Variants in INPP5A observed in about 807,000 individuals in gnomAD.
INPP5A encodes the protein 43 kDa inositol polyphosphate 5-phophatase.
A neutral mutation model predicts 65.2 loss-of-function variants in INPP5A; 14 were observed. The ratio of observed to expected loss-of-function variants is 0.21; its 90% confidence interval spans 0.14 to 0.34. The LOEUF (loss-of-function observed/expected upper bound fraction) is 0.34, where lower values mean the gene tolerates loss of function less well. INPP5A is among the 10% of genes least tolerant of loss of function. The pLI, the probability that INPP5A is intolerant of heterozygous loss-of-function variation, is 1.00. For synonymous variants in INPP5A, 207 were observed against 208.3 expected, an observed-to-expected ratio of 0.99 and a Z score of 0.05; for missense variants, 431 against 545.6, an observed-to-expected ratio of 0.79 and a Z score of 2.09.
chr10:132,704,524 C>T lies in INPP5A; in HGVS notation c.475-3789C>T, dbSNP rs928638728. ...CGCAGAGCCACCCCTCGCAGCCCGCCGGCAACATGGGCTCTGTCCTCCCCT... is the reference window on the plus strand; with the variant it reads ...CGCAGAGCCACCCCTCGCAGCCCGCTGGCAACATGGGCTCTGTCCTCCCCT... On this transcript the variant is annotated intron_variant, in intron 6 of 15. Coordinates refer to ENST00000368594, the MANE Select transcript of INPP5A (RefSeq NM_005539.5). The surrounding 1 kb of genome is among the most constrained non-coding windows in gnomAD (Gnocchi z 4.5). 5.9e-5 allele frequency among the ~76,000 whole-genome samples: 9 copies of T among 152,226 alleles called. No individual in the cohort carries two copies. Among genetic ancestry groups the T allele is most frequent in the East Asian group, 5.8e-4 (3 of 5,194 alleles).
intron 1 of INPP5A, among the ~76,000 whole-genome samples, chr10:132,596,676 C>T (rs371252907): frequency 1.7e-3 from 263 of 152,268 alleles, no homozygotes; most frequent in African/African-American, 5.9e-3. Flanking sequence ...GTGATCCACC[C>T]TCCTTGGCCT....
rs1331338455 is a variant in INPP5A at position 132,627,111 on chromosome 10, G to A, written c.118-18757G>A. ...GACACGGGATCAGGCTCTCTCCACA[G>A]GGCGCAGAGGCAGCTCTGTGAGCCA... On this transcript the variant is annotated intron_variant, in intron 2 of 15. Transcript: ENST00000368594. This position sits in a 1 kb window ranked among gnomAD's most constrained non-coding sequence, Gnocchi z 6.6. Among the ~76,000 whole-genome samples, 1 of 151,964 alleles carries A rather than the reference G, an allele frequency of 6.6e-6. No individual in the cohort carries two copies.
At chr10:132,683,023 C>T (rs1341806464) in intron 4 of INPP5A, among the ~76,000 whole-genome samples, 5 of 146,580 alleles carry the variant, frequency 3.4e-5, no homozygotes, top group African/African-American at 7.6e-5. Context: ...GTGGAGGGCA[C>T]GTCTCCTGTG....
intron 4 of INPP5A, among the ~76,000 whole-genome samples, chr10:132,668,688 TATC>T (rs2133429998): frequency 6.6e-6 from 1 of 152,336 alleles, no homozygotes; most frequent in South Asian, 2.1e-4. Flanking sequence ...TAGAAGGGCT[TATC>T]ATTCCTCCTG....
chr10:132,582,857 T>A (rs538303538), intron 1 of INPP5A, among the ~76,000 whole-genome samples: 5 of 152,266 alleles, frequency 3.3e-5, no homozygotes, highest in Non-Finnish European at 7.3e-5. Context: ...TTAGAGTAAG[T>A]CTTACAGTCA....
intron 8 of INPP5A, among the ~76,000 whole-genome samples, chr10:132,720,392 G>T (rs1479710671): frequency 2.0e-4 from 28 of 139,590 alleles, no homozygotes; most frequent in African/African-American, 7.5e-4. Flanking sequence ...GGGCACCTTA[G>T]ACGGCTGTCT....
Position 132,663,231 on chromosome 10 carries a change from T to C in INPP5A, c.306+12726T>C, listed in dbSNP as rs1399164811. ...AAGACTTTCTTCTCGTTAAATCTTA[T>C]TTTATTTTGACACAGGATGTCACTC... On this transcript the variant is annotated intron_variant, in intron 4 of 15. Coordinates refer to ENST00000368594, the MANE Select transcript of INPP5A (RefSeq NM_005539.5). The surrounding 1 kb of genome is among the most constrained non-coding windows in gnomAD (Gnocchi z 4.5). 1.3e-5 allele frequency among the ~76,000 whole-genome samples: 2 copies of C among 152,234 alleles called. No individual in the cohort carries two copies. The highest frequency in any genetic ancestry group is 1.9e-4 in the East Asian group (1 of 5,202).
chr10:132,590,873 G>C (rs934934242), intron 1 of INPP5A, among the ~76,000 whole-genome samples: 4 of 152,196 alleles, frequency 2.6e-5, no homozygotes, highest in East Asian at 3.9e-4. Flanking sequence ...GCTGTGTCCT[G>C]TCCGTGGTTA....
At chr10:132,740,484 G>A (rs1235966642) in intron 9 of INPP5A, among the ~76,000 whole-genome samples, 1 of 152,176 alleles carries the variant, frequency 6.6e-6, no homozygotes, top group Non-Finnish European at 1.5e-5. Flanking sequence ...ATTATTTGTA[G>A]CATAGAAAAT....
intron 8 of INPP5A, among the ~76,000 whole-genome samples, chr10:132,714,807 C>T (rs538354197): frequency 1.4e-4 from 22 of 152,268 alleles, no homozygotes; most frequent in Admixed American, 3.3e-4. Flanking sequence ...GCCACCACCA[C>T]AGCCAGTCAC....
intron 1 of INPP5A, among the ~76,000 whole-genome samples, chr10:132,577,745 G>A (rs2071427487): frequency 6.6e-6 from 1 of 152,260 alleles, no homozygotes; most frequent in South Asian, 2.1e-4. Context: ...GGAGGCATTG[G>A]GTGTTGTGGG....
intron 2 of INPP5A, among the ~76,000 whole-genome samples, chr10:132,631,500 G>C (rs563392484): frequency 2.0e-5 from 3 of 152,242 alleles, no homozygotes; most frequent in African/African-American, 4.8e-5. Flanking sequence ...CCCTCTGCGC[G>C]CCTTATCTTG....
At chr10:132,548,195 G>A (rs546750357) in intron 1 of INPP5A, among the ~76,000 whole-genome samples, 19 of 152,142 alleles carry the variant, frequency 1.2e-4, no homozygotes, top group African/African-American at 3.9e-4. Flanking sequence ...GTCTTTATTC[G>A]GGTTCTGCTC....
At position 132,574,628 on chromosome 10, in the gene INPP5A, GTATTTTATTTTATTTTATTT is replaced by G. The variant is rs66485970; in HGVS notation, c.76-33260_76-33241del. ...TTTTTTTTCTTTTTTTTTTAATTTT[GTATTTTATTTTATTTTATTT>G]TATTTTATTTTATTTTATTTTATTT... On this transcript the variant is annotated intron_variant, in intron 1 of 15. Coordinates refer to ENST00000368594, the MANE Select transcript of INPP5A (RefSeq NM_005539.5). 3.8e-3 allele frequency among the ~76,000 whole-genome samples: 433 copies of G among 114,186 alleles called. 1 individual carries two copies. The highest frequency in any genetic ancestry group is 0.013 in the African/African-American group (396 of 29,496). The allele number at this position is 114,186 out of a possible 152,430, so 74.9% of individuals were successfully genotyped here. A position where few individuals can be genotyped will look rare whatever the true frequency, so the allele number is the denominator to read the frequency against.
At chr10:132,696,614 AG>A (rs1845348177) in intron 5 of INPP5A, among the ~76,000 whole-genome samples, 1 of 152,218 alleles carries the variant, frequency 6.6e-6, no homozygotes, top group African/African-American at 2.4e-5. Flanking sequence ...ACTCTGGAAA[AG>A]GCAGAACTGT....
At chr10:132,774,733 G>C (rs1847015814) in intron 12 of INPP5A, among the ~76,000 whole-genome samples, 1 of 151,918 alleles carries the variant, frequency 6.6e-6, no homozygotes, top group South Asian at 2.1e-4. Flanking sequence ...GGGCCAGTCA[G>C]CCTGGCCACA....
intron 1 of INPP5A, among the ~76,000 whole-genome samples, chr10:132,601,891 A>G (rs1488570155): frequency 2.0e-5 from 3 of 152,258 alleles, no homozygotes; most frequent in Non-Finnish European, 4.4e-5. Flanking sequence ...TAAGTTCCAC[A>G]TAAGGAATTG....
chr10:132,595,801 A>G (rs1179556486), intron 1 of INPP5A, among the ~76,000 whole-genome samples: 3 of 152,156 alleles, frequency 2.0e-5, no homozygotes, highest in African/African-American at 7.2e-5. Flanking sequence ...TGCTATTATG[A>G]ACTTCTTTGT....
At chr10:132,620,334 G>T (rs1024092345) in intron 2 of INPP5A, among the ~76,000 whole-genome samples, 7 of 152,094 alleles carry the variant, frequency 4.6e-5, no homozygotes, top group Admixed American at 2.6e-4. Context: ...TTGCTATGTG[G>T]CCAGGCTGCA....
Sources: gnomAD v4.1 joint callset for allele counts (sites outside exome capture counted in the v4.1 genomes callset) on GRCh38, gnomAD v4.1.1 for gene constraint, Gnocchi (gnomAD v3.1) non-coding constraint, MANE v1.5 for transcripts, NCBI Gene and HGNC (gene_info 2026-07-23, HGNC 2026-07-21) for gene names.